Variants in PDE1C observed in about 807,000 individuals in gnomAD.
PDE1C encodes the protein dual specificity calcium/calmodulin-dependent 3',5'-cyclic nucleotide phosphodiesterase 1C.
Under a neutral mutation model 93.1 loss-of-function variants are expected in PDE1C, and 62 were observed. The observed-to-expected ratio is 0.67, with a 90% CI of 0.54 to 0.82. PDE1C has a LOEUF of 0.82. Ranked by LOEUF, PDE1C falls within the 40% of genes least tolerant of loss-of-function variation. The pLI, the probability that PDE1C is intolerant of heterozygous loss-of-function variation, is 0.00. For synonymous variants in PDE1C, 325 were observed against 310.1 expected, an observed-to-expected ratio of 1.05 and a Z score of -0.50; for missense variants, 742 against 884.6, an observed-to-expected ratio of 0.84 and a Z score of 2.04.
intron 16 of PDE1C, among the ~76,000 whole-genome samples, chr7:31,780,962 G>A (rs76189907): frequency 2.2e-4 from 33 of 152,242 alleles, no homozygotes; most frequent in Non-Finnish European, 4.6e-4. Flanking sequence ...GTCAGCTAGG[G>A]GCAGAGATGT....
intron 2 of PDE1C, among the ~76,000 whole-genome samples, chr7:31,926,433 G>A (rs917763939): frequency 9.2e-5 from 14 of 152,172 alleles, no homozygotes; most frequent in East Asian, 3.8e-4. Context: ...GAATGTGAAC[G>A]CAAACCTATG....
chr7:31,961,950 G>C (rs1018906392), intron 2 of PDE1C, among the ~76,000 whole-genome samples: 2 of 152,182 alleles, frequency 1.3e-5, no homozygotes, highest in African/African-American at 4.8e-5. Flanking sequence ...AAGCCAGAGA[G>C]TTCAAATTTC....
intron 16 of PDE1C, among the ~76,000 whole-genome samples, chr7:31,780,930 T>A (rs890109136): frequency 6.6e-6 from 1 of 152,214 alleles, no homozygotes; most frequent in Non-Finnish European, 1.5e-5. Context: ...TGTGGCCATT[T>A]AAGGAGTAAA....
chr7:31,981,087 A>C (rs2129059404), intron 2 of PDE1C, among the ~76,000 whole-genome samples: 1 of 152,302 alleles, frequency 6.6e-6, no homozygotes, highest in East Asian at 1.9e-4. Context: ...TTGACTCTTA[A>C]GGCTATGACT....
At chr7:32,033,204 T>C (rs1158569302) in intron 2 of PDE1C, among the ~76,000 whole-genome samples, 1 of 152,110 alleles carries the variant, frequency 6.6e-6, no homozygotes, top group Non-Finnish European at 1.5e-5. Flanking sequence ...AGAGGCGTGA[T>C]GCTCTGTGGT....
chr7:32,371,182 AAAAAAC>A (rs757658360), intron 1 of PDE1C, among the ~76,000 whole-genome samples: 229 of 152,098 alleles, frequency 1.5e-3, no homozygotes, highest in Middle Eastern at 0.01. Context: ...TTCTCCCACC[AAAAAAC>A]AAAAACAAAA....
chr7:31,636,436 AAAT>A, the PDE1C span, among the ~76,000 whole-genome samples: 6 of 152,230 alleles, frequency 3.9e-5, no homozygotes, highest in East Asian at 1.9e-4. Flanking sequence ...TGAAAAGTTG[AAAT>A]AATAATAATG....
chr7:32,126,858 A>C (rs1799609958), intron 3 of PDE1C, among the ~76,000 whole-genome samples: 1 of 152,214 alleles, frequency 6.6e-6, no homozygotes, highest in South Asian at 2.1e-4. Flanking sequence ...TGAACCTTGA[A>C]GATAATTGAG....
intron 1 of PDE1C, among the ~76,000 whole-genome samples, chr7:32,320,403 A>T (rs1355025608): frequency 1.3e-5 from 2 of 152,140 alleles, no homozygotes; most frequent in African/African-American, 4.8e-5. Context: ...TAGCTAATAG[A>T]TGCTGGGCTT....
intron 2 of PDE1C, 84 bp downstream of exon 2, chr7:32,051,470 A>C: frequency 7.9e-7 from 1 of 1,262,712 alleles, no homozygotes; most frequent in South Asian, 1.2e-5. Context: ...TGTTTATTAC[A>C]GTTCCAGTCC....
Position 31,829,779 on chromosome 7 carries a change from C to T in PDE1C, c.1204-1406G>A, listed in dbSNP as rs1210899327. 2.0e-5 allele frequency among the ~76,000 whole-genome samples: 3 copies of T among 152,188 alleles called. No individual in the cohort carries two copies. The East Asian group carries it at 5.8e-4, about 29-fold the overall frequency. On this transcript the variant is annotated intron_variant, in intron 11 of 17. Transcript: ENST00000396191. ...TACTGAAAACTGCTCTCTCAAGTGG[C>T]ATGATAAAAATGATTTCCTCCTGAG...
intron 7 of PDE1C, among the ~76,000 whole-genome samples, chr7:31,853,269 C>G (rs1274154698): frequency 6.6e-6 from 1 of 152,116 alleles, no homozygotes; most frequent in African/African-American, 2.4e-5. Context: ...ATTTTACCAC[C>G]TTAGTTTTTC....
At chr7:32,423,140 T>G (rs1785465426) in intron 1 of PDE1C, among the ~76,000 whole-genome samples, 1 of 152,116 alleles carries the variant, frequency 6.6e-6, no homozygotes, top group Non-Finnish European at 1.5e-5. Flanking sequence ...TTTGGGCGGC[T>G]GATATGGGAA....
chr7:32,275,345 C>T (rs764440345), intron 1 of PDE1C, among the ~76,000 whole-genome samples: 4 of 152,258 alleles, frequency 2.6e-5, no homozygotes, highest in Non-Finnish European at 4.4e-5. Context: ...GATGCCCACA[C>T]CCAGCCCCTA....
chr7:31,887,647 A>G (rs1469007445), intron 2 of PDE1C, among the ~76,000 whole-genome samples: 3 of 152,204 alleles, frequency 2.0e-5, no homozygotes, highest in Non-Finnish European at 4.4e-5. Context: ...TGCAGAATGC[A>G]CCATTCTTTT....
intron 6 of PDE1C, among the ~76,000 whole-genome samples, chr7:31,868,724 A>C (rs1361057039): frequency 2.0e-5 from 3 of 152,148 alleles, no homozygotes; most frequent in African/African-American, 7.2e-5. Flanking sequence ...CAATTCAAAA[A>C]GATCTCCACA....
At chr7:32,207,336 G>T (rs1805653505) in intron 2 of PDE1C, among the ~76,000 whole-genome samples, 1 of 146,748 alleles carries the variant, frequency 6.8e-6, no homozygotes, top group Non-Finnish European at 1.5e-5. Flanking sequence ...GAATGTTGCA[G>T]TACTTCATCT....
chr7:32,257,908 C>T (rs1009172878), intron 1 of PDE1C, among the ~76,000 whole-genome samples: 1 of 152,196 alleles, frequency 6.6e-6, no homozygotes, highest in African/African-American at 2.4e-5. Context: ...AGTGACCAGC[C>T]CTCTCAGGGA....
At chr7:31,885,822 C>T (rs1377885738) in intron 2 of PDE1C, among the ~76,000 whole-genome samples, 3 of 152,196 alleles carry the variant, frequency 2.0e-5, no homozygotes, top group Non-Finnish European at 4.4e-5. Context: ...TTATTCCCCA[C>T]CCCAGTGAGG....
Sources: allele counts gnomAD v4.1 joint callset (sites outside exome capture counted in the v4.1 genomes callset), GRCh38; gene constraint gnomAD v4.1.1; transcripts MANE v1.5; gene names NCBI Gene and HGNC (gene_info 2026-07-23, HGNC 2026-07-21).